EHBP1: variants seen among roughly 807,000 people sequenced by gnomAD.
EHBP1 encodes EH domain-binding protein 1.
In EHBP1, 55 loss-of-function variants were observed where a neutral mutation model predicts 144.0. The ratio of observed to expected loss-of-function variants is 0.38; its 90% CI spans 0.31 to 0.48. The LOEUF is 0.48. EHBP1 is among the 20% of genes least tolerant of loss of function. The probability of loss-of-function intolerance (pLI) is 0.98; values close to 1 mark genes in which losing one functional copy is unlikely to be tolerated. For synonymous variants in EHBP1, 469 were observed against 472.7 expected, an observed-to-expected ratio of 0.99 and a Z score of 0.10; for missense variants, 1,200 against 1,364.2, an observed-to-expected ratio of 0.88 and a Z score of 1.90.
Position 62,817,109 on chromosome 2 carries a change from A to C in EHBP1, c.313-8978A>C, listed in dbSNP as rs570944805. Among the ~76,000 whole-genome samples, 7 of 152,330 alleles carry C rather than the reference A, an allele frequency of 4.6e-5. No homozygotes were observed. In the South Asian group the frequency reaches 1.5e-3, roughly 32 times the overall value. On this transcript the variant is annotated intron_variant, in intron 5 of 22. Transcript: ENST00000431489. ...TCCTAGAATTACACTTCATTCACTT[A>C]AGAAGTATTTATTGAGTAGTGGCTA...
intron 5 of EHBP1, among the ~76,000 whole-genome samples, chr2:62,812,628 C>A (rs1382766328): frequency 1.3e-5 from 2 of 152,056 alleles, no homozygotes; most frequent in Non-Finnish European, 2.9e-5. Context: ...GGAATAAAGA[C>A]CATCCTTATT....
At chr2:62,839,563 C>T (rs2047613673) in intron 7 of EHBP1, among the ~76,000 whole-genome samples, 1 of 149,844 alleles carries the variant, frequency 6.7e-6, no homozygotes, top group Non-Finnish European at 1.5e-5. Flanking sequence ...TCCCTGTTTG[C>T]AGATGACATG....
chr2:62,953,520 G>A (rs1388407993), intron 13 of EHBP1, among the ~76,000 whole-genome samples: 2 of 151,570 alleles, frequency 1.3e-5, no homozygotes, highest in African/African-American at 2.4e-5. Flanking sequence ...TTGGACTCCA[G>A]CCTCGGTGAC....
intron 15 of EHBP1, among the ~76,000 whole-genome samples, chr2:62,984,437 G>A (rs2059106463): frequency 6.6e-6 from 1 of 152,168 alleles, no homozygotes; most frequent in African/African-American, 2.4e-5. Context: ...TTGCAAACCA[G>A]CTTCTGTTGT....
chr2:62,737,480 C>T (rs2152078715), intron 2 of EHBP1, among the ~76,000 whole-genome samples: 1 of 152,306 alleles, frequency 6.6e-6, no homozygotes, highest in Middle Eastern at 3.4e-3. Flanking sequence ...ACAGAGGTTT[C>T]AGCTCTGGTA....
intron 6 of EHBP1, among the ~76,000 whole-genome samples, chr2:62,829,665 T>C (rs1056018786): frequency 2.0e-5 from 3 of 146,904 alleles, no homozygotes; most frequent in Admixed American, 1.4e-4. Flanking sequence ...CTATATATTA[T>C]ATATAGTGGT....
intron 8 of EHBP1, among the ~76,000 whole-genome samples, chr2:62,863,140 A>G (rs1373625895): frequency 6.6e-6 from 1 of 152,010 alleles, no homozygotes; most frequent in Non-Finnish European, 1.5e-5. Context: ...AAAATTAGCC[A>G]GGCGTGGTGG....
chr2:62,972,763 C>G (rs2058553927), intron 14 of EHBP1, among the ~76,000 whole-genome samples: 1 of 152,170 alleles, frequency 6.6e-6, no homozygotes. Flanking sequence ...AACTAGAATT[C>G]TGTCAATCAG....
intron 19 of EHBP1, among the ~76,000 whole-genome samples, chr2:63,029,187 C>G (rs2061122504): frequency 6.6e-6 from 1 of 151,790 alleles, no homozygotes; most frequent in Non-Finnish European, 1.5e-5. Context: ...TGTTATGTTA[C>G]CATAGCTATG....
intron 12 of EHBP1, among the ~76,000 whole-genome samples, chr2:62,947,006 A>G (rs546333471): frequency 2.0e-5 from 3 of 152,308 alleles, no homozygotes; most frequent in Admixed American, 1.3e-4. Flanking sequence ...AATGTTTAGA[A>G]TACTGCCTGT....
intron 10 of EHBP1, among the ~76,000 whole-genome samples, chr2:62,920,953 G>A (rs892363478): frequency 2.0e-5 from 3 of 152,112 alleles, no homozygotes; most frequent in African/African-American, 7.2e-5. Flanking sequence ...ACAGGCATGA[G>A]CCACTGCGCC....
At chr2:62,729,478 T>A (rs1460742457) in intron 2 of EHBP1, among the ~76,000 whole-genome samples, 3 of 106,138 alleles carry the variant, frequency 2.8e-5, no homozygotes, top group African/African-American at 7.7e-5. Flanking sequence ...TATATAAAAA[T>A]ATATATAAAT....
At position 62,993,934 on chromosome 2, in the gene EHBP1, T is replaced by C. The variant is rs567879101; in HGVS notation, c.2936T>C (p.Ile979Thr). 6.3e-7 allele frequency: 1 copy of C among 1,590,398 alleles called. No individual in the cohort carries two copies. Among genetic ancestry groups the C allele is most frequent in the East Asian group, 2.3e-5 (1 of 44,234 alleles). ...AAAGGAAATGAGGAGAAGGCAGCGA[T>C]AACTGAAACTCAGAGGAAGCCATCA... ...TKKGNEEKAA[I>T]TETQRKPSED... The change falls in exon 18 of 23, where the codon ATA becomes ACA. Residue 979 changes from isoleucine to threonine, a missense_variant. Coordinates refer to ENST00000431489, the MANE Select transcript of EHBP1 (RefSeq NM_001142616.3).
chr2:62,856,378 G>A (rs1055325318), intron 7 of EHBP1, among the ~76,000 whole-genome samples: 13 of 152,326 alleles, frequency 8.5e-5, no homozygotes, highest in Admixed American at 3.3e-4. Context: ...CCCAGTGCCA[G>A]ATGTGGAAAC....
At chr2:63,022,301 C>T (rs939551468) in intron 19 of EHBP1, among the ~76,000 whole-genome samples, 1 of 151,736 alleles carries the variant, frequency 6.6e-6, no homozygotes, top group Non-Finnish European at 1.5e-5. Context: ...TTTCCTCCTT[C>T]CTCCTCCTCC....
chr2:63,015,629 G>T (rs1196599962), intron 19 of EHBP1, among the ~76,000 whole-genome samples: 1 of 152,146 alleles, frequency 6.6e-6, no homozygotes, highest in Non-Finnish European at 1.5e-5. Context: ...CTACAGGCAA[G>T]TGCCACCCTG....
At chr2:62,746,540 C>G (rs1386622408) in intron 2 of EHBP1, among the ~76,000 whole-genome samples, 1 of 151,848 alleles carries the variant, frequency 6.6e-6, no homozygotes, top group Non-Finnish European at 1.5e-5. Context: ...AAGCTTTTAT[C>G]TAAGATTTTT....
At position 62,728,964 on chromosome 2, in the gene EHBP1, T is replaced by A. The variant is rs546989689; in HGVS notation, c.105-18431T>A. Among the ~76,000 whole-genome samples the A allele has an allele frequency of 7.2e-5, 11 of 152,092 alleles. No homozygotes were observed. In the South Asian group the frequency reaches 2.3e-3, roughly 32 times the overall value. On this transcript the variant is annotated intron_variant, in intron 2 of 22. Coordinates refer to ENST00000431489, the MANE Select transcript of EHBP1 (RefSeq NM_001142616.3). The stretch of plus-strand genomic sequence containing the variant: ...TATGGTGTAAGGAAGGTGTCTACTT[T>A]TATTCTTTTGTATGTGAGTATTTAC...
chr2:62,682,778 A>G (rs999422601), intron 1 of EHBP1, among the ~76,000 whole-genome samples: 17 of 152,178 alleles, frequency 1.1e-4, no homozygotes, highest in Admixed American at 8.5e-4. Flanking sequence ...GATTTTGGAG[A>G]ATATTTTCAT....
Sources: allele counts gnomAD v4.1 joint callset (sites outside exome capture counted in the v4.1 genomes callset), GRCh38; gene constraint gnomAD v4.1.1; transcripts MANE v1.5; gene names NCBI Gene and HGNC (gene_info 2026-07-23, HGNC 2026-07-21).